The following MGMT variants were observed in gnomAD, a reference collection of about 807,000 sequenced individuals.
The protein encoded by MGMT is methylated-DNA--protein-cysteine methyltransferase.
Under a neutral mutation model 15.9 loss-of-function variants are expected in MGMT, and 14 were observed. That is an observed-to-expected ratio of 0.88 (90% CI 0.58 to 1.37). MGMT has a LOEUF of 1.37. MGMT is among the 40% of genes most tolerant of loss of function. The pLI is 0.00. For missense variants in MGMT, 282 were observed against 268.1 expected, an observed-to-expected ratio of 1.05 and a Z score of -0.36; for synonymous variants, 130 against 118.2, an observed-to-expected ratio of 1.10 and a Z score of -0.65.
intron 3 of MGMT, among the ~76,000 whole-genome samples, chr10:129,740,247 G>A (rs768325685): frequency 6.6e-6 from 1 of 152,126 alleles, no homozygotes; most frequent in Admixed American, 6.5e-5. Flanking sequence ...CCCTTGCCCT[G>A]CCTGGAGTAT....
At chr10:129,516,339 C>T (rs1381208015) in intron 1 of MGMT, among the ~76,000 whole-genome samples, 2 of 152,206 alleles carry the variant, frequency 1.3e-5, no homozygotes, top group Non-Finnish European at 2.9e-5. Flanking sequence ...GAGGCAGTGG[C>T]TGCCTCAGTG....
chr10:129,525,564 C>T (rs35720870), intron 1 of MGMT, among the ~76,000 whole-genome samples: 37,319 of 152,010 alleles, frequency 0.25, 5,452 homozygotes, highest in African/African-American at 0.41. Flanking sequence ...TTCCCCAGGG[C>T]TCTTGTTGTT....
At chr10:129,622,276 C>T (rs1412376707) in intron 2 of MGMT, among the ~76,000 whole-genome samples, 1 of 152,180 alleles carries the variant, frequency 6.6e-6, no homozygotes, top group African/African-American at 2.4e-5. Context: ...TTCTCATCTT[C>T]GCATCAGTTT....
chr10:129,740,298 C>G (rs1341524309), intron 3 of MGMT, among the ~76,000 whole-genome samples: 1 of 152,102 alleles, frequency 6.6e-6, no homozygotes, highest in Non-Finnish European at 1.5e-5. Flanking sequence ...GGAGCCACAG[C>G]TGCTGAGGTC....
At chr10:129,684,510 T>C (rs928958468) in intron 2 of MGMT, among the ~76,000 whole-genome samples, 1 of 152,240 alleles carries the variant, frequency 6.6e-6, no homozygotes, top group African/African-American at 2.4e-5. Context: ...TCAAAAGATA[T>C]CTTTTCTGTG....
At chr10:129,609,792 AGAG>A (rs1214976782) in intron 2 of MGMT, among the ~76,000 whole-genome samples, 2 of 152,090 alleles carry the variant, frequency 1.3e-5, no homozygotes, top group Admixed American at 6.6e-5. Context: ...GGAATGGTGC[AGAG>A]GAGGAGGAGC....
chr10:129,671,999 C>G (rs1245786818), intron 2 of MGMT, among the ~76,000 whole-genome samples: 1 of 152,198 alleles, frequency 6.6e-6, no homozygotes, highest in Non-Finnish European at 1.5e-5. Flanking sequence ...TCCTTTATAT[C>G]AGTAGAGTTT....
intron 4 of MGMT, among the ~76,000 whole-genome samples, chr10:129,764,230 G>T (rs988359682): frequency 6.6e-6 from 1 of 152,262 alleles, no homozygotes; most frequent in Non-Finnish European, 1.5e-5. Flanking sequence ...GGCCTGGTGG[G>T]GCCTTGCGGG....
At chr10:129,487,894 A>G (rs1260606768) in intron 1 of MGMT, among the ~76,000 whole-genome samples, 1 of 149,340 alleles carries the variant, frequency 6.7e-6, no homozygotes, top group East Asian at 2.0e-4. Context: ...GTGTGTGTGT[A>G]TATATATACC....
chr10:129,480,622 G>C (rs908705517), intron 1 of MGMT, among the ~76,000 whole-genome samples: 8 of 152,140 alleles, frequency 5.3e-5, no homozygotes, highest in Non-Finnish European at 1.2e-4. Flanking sequence ...TCATGACTGT[G>C]ATTCCAGCAC....
chr10:129,576,156 A>G (rs902358964), intron 2 of MGMT, among the ~76,000 whole-genome samples: 9 of 152,260 alleles, frequency 5.9e-5, no homozygotes, highest in Non-Finnish European at 1.3e-4. Flanking sequence ...ATCAATAGAC[A>G]AAGAGGGAAT....
intron 1 of MGMT, among the ~76,000 whole-genome samples, chr10:129,472,575 A>G (rs1422141187): frequency 1.3e-5 from 2 of 152,114 alleles, no homozygotes; most frequent in Non-Finnish European, 2.9e-5. Flanking sequence ...CCTTCTGGGA[A>G]CAGATGGGCT....
chr10:129,595,547 G>A (rs1371569032), intron 2 of MGMT, among the ~76,000 whole-genome samples: 2 of 152,048 alleles, frequency 1.3e-5, no homozygotes, highest in Non-Finnish European at 2.9e-5. Flanking sequence ...GTCTTCGGGG[G>A]GGTCTGACAC....
At chr10:129,630,354 T>C (rs1847196272) in intron 2 of MGMT, among the ~76,000 whole-genome samples, 1 of 152,210 alleles carries the variant, frequency 6.6e-6, no homozygotes, top group African/African-American at 2.4e-5. Flanking sequence ...CAACATCAAG[T>C]GAAATGTCTT....
At chr10:129,477,610 G>A (rs550313200) in intron 1 of MGMT, among the ~76,000 whole-genome samples, 36 of 152,266 alleles carry the variant, frequency 2.4e-4, no homozygotes, top group African/African-American at 8.4e-4. Flanking sequence ...CTCCCATACC[G>A]TGTGAGGACA....
chr10:129,467,435 G>C, intron 1 of MGMT, 139 bp downstream of exon 1: 1 of 1,369,378 alleles, frequency 7.3e-7, no homozygotes, highest in South Asian at 1.7e-5. Flanking sequence ...TCCCGGGCGA[G>C]CTCCAGGTGC....
intron 1 of MGMT, among the ~76,000 whole-genome samples, chr10:129,468,211 G>A (rs1845192249): frequency 6.6e-6 from 1 of 152,208 alleles, no homozygotes; most frequent in African/African-American, 2.4e-5. Flanking sequence ...GTGTCTAGGA[G>A]ATGGTTTTGT....
chr10:129,580,564 C>G (rs1846540567), intron 2 of MGMT, among the ~76,000 whole-genome samples: 1 of 152,196 alleles, frequency 6.6e-6, no homozygotes, highest in African/African-American at 2.4e-5. Context: ...TGCACACCTC[C>G]TCAGACCTGG....
intron 3 of MGMT, among the ~76,000 whole-genome samples, chr10:129,735,409 CCCTTTAT>C (rs1169510842): frequency 3.9e-5 from 6 of 151,990 alleles, no homozygotes; most frequent in Non-Finnish European, 8.8e-5. Context: ...TGATGATATC[CCCTTTAT>C]CATTTTTTAT....
Sources: allele counts gnomAD v4.1 joint callset (sites outside exome capture counted in the v4.1 genomes callset), GRCh38; gene constraint gnomAD v4.1.1; transcripts MANE v1.5; gene names NCBI Gene and HGNC (gene_info 2026-07-23, HGNC 2026-07-21).